The following GUCY1A2 variants were observed in gnomAD, a reference collection of about 807,000 sequenced individuals.
The protein encoded by GUCY1A2 is guanylate cyclase soluble subunit alpha-2.
In GUCY1A2, 27 loss-of-function variants were observed where a neutral mutation model predicts 63.5. The observed-to-expected ratio is 0.43, with a 90% CI of 0.31 to 0.59. The LOEUF is 0.59. GUCY1A2 is among the 20% of genes least tolerant of loss of function. The pLI is 0.11. For missense variants in GUCY1A2, 768 were observed against 913.3 expected (o/e 0.84, Z 2.05); for synonymous variants, 364 against 343.5 (o/e 1.06, Z -0.66).
chr11:106,717,241 A>G (rs1210105630), intron 6 of GUCY1A2, among the ~76,000 whole-genome samples: 1 of 152,236 alleles, frequency 6.6e-6, no homozygotes, highest in East Asian at 1.9e-4. Flanking sequence ...CATTCATAAG[A>G]TAATAATGAT....
chr11:106,842,093 C>T (rs1015404726), intron 4 of GUCY1A2, among the ~76,000 whole-genome samples: 11 of 151,866 alleles, frequency 7.2e-5, no homozygotes, highest in African/African-American at 2.7e-4. Context: ...CTGGTTTATT[C>T]ATTCTCTTGG....
At chr11:106,776,407 T>C (rs776293942) in intron 6 of GUCY1A2, 32 bp downstream of exon 6, 96 of 1,190,070 alleles carry the variant, frequency 8.1e-5, no homozygotes, top group Non-Finnish European at 1.1e-4. Flanking sequence ...ATGGTGCACT[T>C]ACTACTCAAA....
chr11:106,825,087 C>A (rs907735696), intron 4 of GUCY1A2: 4 of 615,060 alleles, frequency 6.5e-6, no homozygotes, highest in Non-Finnish European at 1.1e-5. Flanking sequence ...ATTTTCAGAG[C>A]TTATCTCTGA....
At chr11:107,004,189 TCCA>T (rs1328741202) in intron 1 of GUCY1A2, among the ~76,000 whole-genome samples, 2 of 152,152 alleles carry the variant, frequency 1.3e-5, no homozygotes, top group African/African-American at 4.8e-5. Flanking sequence ...AATCATGACG[TCCA>T]CCACATTCAC....
chr11:106,859,391 T>C (rs538772403), intron 4 of GUCY1A2, among the ~76,000 whole-genome samples: 1 of 152,138 alleles, frequency 6.6e-6, no homozygotes, highest in Admixed American at 6.6e-5. Flanking sequence ...TATGTATTTA[T>C]TCTGCTGAAC....
At chr11:106,710,297 T>TAC (rs1863090198) in intron 6 of GUCY1A2, among the ~76,000 whole-genome samples, 1 of 1,042 alleles carries the variant, frequency 9.6e-4, no homozygotes, top group Non-Finnish European at 1.4e-3. Context: ...AATATATAGT[T>TAC]ATATATTATA....
intron 3 of GUCY1A2, among the ~76,000 whole-genome samples, chr11:106,950,756 T>G (rs141306527): frequency 8.7e-4 from 133 of 152,322 alleles, no homozygotes; most frequent in African/African-American, 3.1e-3. Context: ...CCAATGCCTC[T>G]TTAATGGTCA....
Position 106,939,628 on chromosome 11 carries a change from T to C in GUCY1A2, c.1038A>G (p.Leu346=). 1 of 1,614,048 alleles carries C rather than the reference T, an allele frequency of 6.2e-7. No individual in the cohort carries two copies. Among genetic ancestry groups the C allele is most frequent in the East Asian group, 2.2e-5 (1 of 44,856 alleles). The part of the protein sequence containing the change: ...SMSVLQLGEG[L]RKQLRCDTHK... The stretch of plus-strand genomic sequence containing the variant: ...GAGTGTCACATCGAAGCTGCTTCCT[T>C]AGACCTTCCCCCAACTGAAGGACTG... The change falls in exon 4 of 8, where the codon CTA becomes CTG. Residue 346 remains leucine (L), a synonymous_variant. Transcript: ENST00000526355.
chr11:106,776,896 A>T (rs1232238151), intron 5 of GUCY1A2, among the ~76,000 whole-genome samples: 2 of 152,172 alleles, frequency 1.3e-5, no homozygotes, highest in Non-Finnish European at 2.9e-5. Flanking sequence ...TTTCCAAATA[A>T]TCGCCTTTTC....
intron 6 of GUCY1A2, among the ~76,000 whole-genome samples, chr11:106,772,555 T>C (rs1864276282): frequency 6.6e-6 from 1 of 152,190 alleles, no homozygotes; most frequent in Non-Finnish European, 1.5e-5. Flanking sequence ...GAATTCTCTT[T>C]CTGCATTCTT....
intron 5 of GUCY1A2, among the ~76,000 whole-genome samples, chr11:106,795,286 T>A (rs1327274817): frequency 2.0e-5 from 3 of 152,162 alleles, no homozygotes; most frequent in African/African-American, 7.2e-5. Context: ...CTCTCTCTGA[T>A]CGTCAAAGGA....
At chr11:106,836,155 G>A (rs1474104367) in intron 4 of GUCY1A2, among the ~76,000 whole-genome samples, 1 of 151,884 alleles carries the variant, frequency 6.6e-6, no homozygotes, top group Admixed American at 6.6e-5. Context: ...ACAACATGGG[G>A]ATTGGGAGCG....
At position 106,948,631 on chromosome 11, in the gene GUCY1A2, G is replaced by A. The variant is rs1036391442; in HGVS notation, c.488-8453C>T. On this transcript the variant is annotated intron_variant, in intron 3 of 7. Transcript: ENST00000526355. ...TTTGACAAGTATGCTTGCTATCATCGTTTTCAATATTATCTTGGAGGTTCT... is the reference window on the plus strand; with the variant it reads ...TTTGACAAGTATGCTTGCTATCATCATTTTCAATATTATCTTGGAGGTTCT... Among the ~76,000 whole-genome samples the A allele has an allele frequency of 1.1e-4, 17 of 152,114 alleles. No homozygotes were observed. The South Asian group carries it at 1.7e-3, about 15-fold the overall frequency.
intron 6 of GUCY1A2, among the ~76,000 whole-genome samples, chr11:106,709,586 GT>G (rs1863026820): frequency 1.2e-5 from 1 of 82,932 alleles, no homozygotes; most frequent in African/African-American, 4.7e-5. Context: ...ATAATATATA[GT>G]TATATATAAT....
At chr11:106,906,262 G>A (rs569157107) in intron 4 of GUCY1A2, among the ~76,000 whole-genome samples, 5 of 151,924 alleles carry the variant, frequency 3.3e-5, no homozygotes, top group African/African-American at 4.8e-5. Flanking sequence ...AAGCAACCCC[G>A]TCAAAAACTG....
intron 3 of GUCY1A2, among the ~76,000 whole-genome samples, chr11:106,963,546 A>T (rs778415374): frequency 1.3e-4 from 20 of 152,242 alleles, no homozygotes; most frequent in Non-Finnish European, 2.1e-4. Context: ...AATAGGAGAT[A>T]AACAGAGTGG....
chr11:106,981,974 A>G (rs1466761761), intron 2 of GUCY1A2, among the ~76,000 whole-genome samples: 2 of 152,188 alleles, frequency 1.3e-5, no homozygotes, highest in Admixed American at 6.5e-5. Flanking sequence ...TCATTTATTG[A>G]TTATCTTTGT....
chr11:106,887,884 C>T (rs535173149), intron 4 of GUCY1A2, among the ~76,000 whole-genome samples: 179 of 152,246 alleles, frequency 1.2e-3, no homozygotes, highest in Middle Eastern at 6.8e-3. Context: ...TAATTCCAGC[C>T]TTATATTCCC....
chr11:106,710,128 TTATATA>T (rs368324536), intron 6 of GUCY1A2, among the ~76,000 whole-genome samples: 2 of 28,958 alleles, frequency 6.9e-5, no homozygotes, highest in Admixed American at 5.1e-4. Context: ...TATAATATAG[TTATATA>T]TATAATATAT....
Sources: allele counts gnomAD v4.1 joint callset (sites outside exome capture counted in the v4.1 genomes callset), GRCh38; gene constraint gnomAD v4.1.1; transcripts MANE v1.5; gene names NCBI Gene and HGNC (gene_info 2026-07-23, HGNC 2026-07-21).